The following RGS6 variants were observed in gnomAD, a reference collection of about 807,000 sequenced individuals.
RGS6 encodes the protein regulator of G-protein signaling 6.
Under a neutral mutation model 78.5 loss-of-function variants are expected in RGS6, and 30 were observed. The observed-to-expected ratio is 0.38, with a 90% CI of 0.29 to 0.52. The LOEUF is 0.52. RGS6 is among the 20% of genes least tolerant of loss of function. The probability of loss-of-function intolerance (pLI) is 0.85; values close to 1 mark genes in which losing one functional copy is unlikely to be tolerated. For synonymous variants in RGS6, 206 were observed against 206.0 expected, an observed-to-expected ratio of 1.00 and a Z score of 0.00; for missense variants, 495 against 609.7, an observed-to-expected ratio of 0.81 and a Z score of 1.98.
intron 2 of RGS6, among the ~76,000 whole-genome samples, chr14:72,270,058 C>G (rs1262331318): frequency 1.3e-5 from 2 of 152,224 alleles, no homozygotes; most frequent in Admixed American, 6.5e-5. Flanking sequence ...ACTTGCAACT[C>G]AAGCCCTGTG....
chr14:72,587,798 A>G, the RGS6 span, among the ~76,000 whole-genome samples: 23 of 152,122 alleles, frequency 1.5e-4, no homozygotes, highest in African/African-American at 5.6e-4. Context: ...ACTAGGTAAA[A>G]CCTTGGGGCA....
intron 2 of RGS6, among the ~76,000 whole-genome samples, chr14:72,109,567 A>G (rs1395661059): frequency 6.6e-6 from 1 of 152,248 alleles, no homozygotes; most frequent in Non-Finnish European, 1.5e-5. Context: ...TGCAATGCAG[A>G]GATGCATAAA....
In RGS6 at chr14:72,458,288, G is replaced by A. The variant is rs1487449169; in HGVS notation, c.253G>A (p.Gly85Arg). The A allele has an allele frequency of 6.2e-7, 1 of 1,613,590 alleles. No individual in the cohort carries two copies. Among genetic ancestry groups the A allele is most frequent in the Non-Finnish European group, 8.5e-7 (1 of 1,179,670 alleles). ...IEDPVEAIHL[G>R]SLIAAQGYIF... Reference sequence around the variant, plus strand: ...TCTTACAGTTGAAGCAATACACTTGGGGAGCCTTATCGCTGCCCAGGGCTA... The same window carrying A: ...TCTTACAGTTGAAGCAATACACTTGAGGAGCCTTATCGCTGCCCAGGGCTA... The change falls in exon 5 of 18, where the codon GGG (glycine) becomes AGG (arginine). Residue 85 changes from glycine (G) to arginine (R), a missense_variant. Physicochemically the swap from Gly to Arg is moderately radical, Grantham distance 125. Transcript: ENST00000553525.
chr14:72,050,550 GAGA>G (rs1404567731), intron 2 of RGS6, among the ~76,000 whole-genome samples: 3 of 152,152 alleles, frequency 2.0e-5, no homozygotes, highest in African/African-American at 7.2e-5. Flanking sequence ...TTGATACATA[GAGA>G]AGTAGAGATT....
At chr14:72,505,028 G>A (rs2096781938) in intron 13 of RGS6, among the ~76,000 whole-genome samples, 1 of 140,898 alleles carries the variant, frequency 7.1e-6, no homozygotes, top group Non-Finnish European at 1.5e-5. Context: ...CGCCTGCATT[G>A]GCCTCACAAA....
At chr14:72,557,978 T>C (rs532617769) in intron 17 of RGS6, among the ~76,000 whole-genome samples, 12 of 152,266 alleles carry the variant, frequency 7.9e-5, no homozygotes, top group African/African-American at 2.9e-4. Context: ...GCTGGGACTT[T>C]TTTTTGTCCT....
intron 2 of RGS6, among the ~76,000 whole-genome samples, chr14:72,145,066 T>A (rs1400709319): frequency 6.6e-6 from 1 of 151,974 alleles, no homozygotes; most frequent in African/African-American, 2.4e-5. Context: ...AATGGCAGAA[T>A]TGGTTGAGCC....
intron 2 of RGS6, among the ~76,000 whole-genome samples, chr14:72,021,529 C>T (rs1413967165): frequency 7.1e-6 from 1 of 140,876 alleles, no homozygotes; most frequent in Non-Finnish European, 1.5e-5. Flanking sequence ...AGTGCAATGG[C>T]ACGATCTCAG....
intron 2 of RGS6, among the ~76,000 whole-genome samples, chr14:72,226,966 C>T (rs777352683): frequency 4.6e-5 from 7 of 152,164 alleles, no homozygotes; most frequent in Non-Finnish European, 8.8e-5. Flanking sequence ...GCATTACAGG[C>T]GTGAGCCACT....
intron 2 of RGS6, among the ~76,000 whole-genome samples, chr14:72,129,394 A>G (rs1194325720): frequency 1.3e-5 from 2 of 152,254 alleles, no homozygotes; most frequent in South Asian, 4.1e-4. Context: ...GGATGAACAA[A>G]CTGAAATAAG....
At chr14:71,907,390 C>A in the RGS6 span, among the ~76,000 whole-genome samples, 1 of 152,044 alleles carries the variant, frequency 6.6e-6, no homozygotes, top group Non-Finnish European at 1.5e-5. Context: ...GAAGACGGAA[C>A]ATGAGCTGAG....
At chr14:72,017,067 AG>A (rs1204889715) in intron 2 of RGS6, among the ~76,000 whole-genome samples, 1 of 151,670 alleles carries the variant, frequency 6.6e-6, no homozygotes, top group African/African-American at 2.4e-5. Flanking sequence ...TTTTGAGATA[AG>A]ATCTCCCAGG....
chr14:72,111,280 A>G (rs1329077094), intron 2 of RGS6, among the ~76,000 whole-genome samples: 3 of 152,194 alleles, frequency 2.0e-5, no homozygotes, highest in East Asian at 3.8e-4. Context: ...AAAAGGCACT[A>G]AAGTGCTGAC....
chr14:72,574,686 A>C, the RGS6 span, among the ~76,000 whole-genome samples: 1 of 152,234 alleles, frequency 6.6e-6, no homozygotes, highest in Non-Finnish European at 1.5e-5. Flanking sequence ...TAAGAGGGGC[A>C]TAGGAACAAA....
At chr14:72,465,639 T>TGGAC (rs2095888594) in intron 6 of RGS6, 119 bp from the exon 7 acceptor site, 1 of 674,722 alleles carries the variant, frequency 1.5e-6, no homozygotes, top group Non-Finnish European at 2.7e-6. Flanking sequence ...GATGGATGGA[T>TGGAC]GGATGGATGG....
chr14:72,077,483 T>C (rs890440018), intron 2 of RGS6, among the ~76,000 whole-genome samples: 2 of 152,200 alleles, frequency 1.3e-5, no homozygotes, highest in Non-Finnish European at 2.9e-5. Flanking sequence ...CTGGCTTTGA[T>C]GGCATGCATT....
At chr14:72,106,818 G>A (rs1160831511) in intron 2 of RGS6, among the ~76,000 whole-genome samples, 1 of 152,188 alleles carries the variant, frequency 6.6e-6, no homozygotes, top group East Asian at 1.9e-4. Flanking sequence ...TCATGGTGCA[G>A]TGTAACATGT....
At chr14:72,552,412 G>A (rs1030173277) in intron 17 of RGS6, among the ~76,000 whole-genome samples, 5 of 152,210 alleles carry the variant, frequency 3.3e-5, no homozygotes, top group Admixed American at 6.5e-5. Flanking sequence ...AGGGCCACCA[G>A]GCAAATGGTG....
the RGS6 span, among the ~76,000 whole-genome samples, chr14:71,916,502 A>T: frequency 6.6e-6 from 1 of 152,178 alleles, no homozygotes; most frequent in Non-Finnish European, 1.5e-5. Flanking sequence ...AAAGGGAGGG[A>T]AATGAATCCT....
Sources: allele counts gnomAD v4.1 joint callset (sites outside exome capture counted in the v4.1 genomes callset), GRCh38; gene constraint gnomAD v4.1.1; transcripts MANE v1.5; gene names NCBI Gene and HGNC (gene_info 2026-07-23, HGNC 2026-07-21).